Variants in EXOSC5 observed in about 807,000 individuals in gnomAD.
The protein encoded by EXOSC5 is exosome complex component RRP46.
In EXOSC5, 15 loss-of-function variants were observed where a neutral mutation model predicts 23.7. That is an observed-to-expected ratio of 0.63 (90% CI 0.42 to 0.97). EXOSC5 has a LOEUF of 0.97. Among genes scored for constraint, EXOSC5 ranks in the 50% least tolerant of loss-of-function variants. The pLI is 0.00. For synonymous variants in EXOSC5, 143 were observed against 140.9 expected (o/e 1.02, Z -0.11); for missense variants, 305 against 316.3 (o/e 0.96, Z 0.27).
intron 3 of EXOSC5, 26 bp downstream of exon 3, chr19:41,391,815 A>C (rs754815591): frequency 7.4e-6 from 11 of 1,486,332 alleles, no homozygotes; most frequent in Non-Finnish European, 1.8e-6. Context: ...GACTTCCTGG[A>C]GGAGGAGGCC....
At chr19:41,393,008 TCA>T (rs1472094866) in intron 1 of EXOSC5, 28 bp from the exon 2 acceptor site, 7 of 1,602,598 alleles carry the variant, frequency 4.4e-6, no homozygotes, top group Non-Finnish European at 6.0e-6. Context: ...AGGGCCTCAC[TCA>T]CAGCTTCCCT....
At chr19:41,397,146 C>T in intron 1 of EXOSC5, 35 bp downstream of exon 1, 1 of 1,609,104 alleles carries the variant, frequency 6.2e-7, no homozygotes. Context: ...CACGGTAGTC[C>T]CTCTCCAAAA....
chr19:41,386,819 C>G, intron 5 of EXOSC5, 94 bp from the exon 6 acceptor site: 1 of 1,050,090 alleles, frequency 9.5e-7, no homozygotes, highest in Non-Finnish European at 1.4e-6. Flanking sequence ...CCACCTGACT[C>G]CCTTAACCTC....
chr19:41,390,510 C>T (rs979924736), intron 3 of EXOSC5, among the ~76,000 whole-genome samples: 9 of 152,230 alleles, frequency 5.9e-5, no homozygotes, highest in African/African-American at 7.2e-5. Flanking sequence ...GTACGTACCA[C>T]ACATTTGTTG....
intron 1 of EXOSC5, among the ~76,000 whole-genome samples, chr19:41,395,386 C>A (rs1411413149): frequency 1.3e-5 from 2 of 152,214 alleles, no homozygotes; most frequent in Non-Finnish European, 2.9e-5. Flanking sequence ...CTCTCACCTT[C>A]TTGAAGACGT....
At chr19:41,386,825 A>T in intron 5 of EXOSC5, 100 bp from the exon 6 acceptor site, 1 of 947,332 alleles carries the variant, frequency 1.1e-6, no homozygotes, top group South Asian at 1.5e-5. Context: ...GACTCCCTTA[A>T]CCTCCCATCA....
chr19:41,390,196 A>C (rs1015195634), intron 3 of EXOSC5, among the ~76,000 whole-genome samples: 10 of 152,134 alleles, frequency 6.6e-5, no homozygotes, highest in Non-Finnish European at 1.2e-4. Context: ...GGCCTCCCAA[A>C]GTGCTGGGAT....
At position 41,389,838 on chromosome 19, in the gene EXOSC5, A is replaced by G; in HGVS notation, c.452T>C (p.Leu151Pro). 6.2e-7 allele frequency: 1 copy of G among 1,614,168 alleles called. No homozygotes were observed. The highest frequency in any genetic ancestry group is 2.2e-5 in the East Asian group (1 of 44,870). ...LVDAGVPMRALFCGVACALDS... is the reference protein window; with the variant it reads ...LVDAGVPMRAPFCGVACALDS... The stretch of plus-strand genomic sequence containing the variant: ...CAGGGCGCAGGCGACCCCACAGAAG[A>G]GAGCCCGCATGGGCACACCTGCATC... Residue 151 changes from leucine (L) to proline (P), a missense_variant, in exon 4 of 6, where the codon CTC becomes CCC. Transcript: ENST00000221233.
intron 3 of EXOSC5, chr19:41,391,528 C>G (rs942648770): frequency 1.0e-5 from 3 of 291,136 alleles, no homozygotes; most frequent in Non-Finnish European, 1.9e-5. Flanking sequence ...CTGAAACATG[C>G]GAACATAAGA....
intron 5 of EXOSC5, among the ~76,000 whole-genome samples, chr19:41,387,133 T>C (rs1428722385): frequency 6.6e-6 from 1 of 152,082 alleles, no homozygotes; most frequent in East Asian, 1.9e-4. Flanking sequence ...TTCACTGCCA[T>C]GTATTCCTAG....
rs770188588 is a variant in EXOSC5 at position 41,389,819 on chromosome 19, G to A, written c.471C>T (p.Cys157=). The change falls in exon 4 of 6, where the codon TGC becomes TGT. Residue 157 remains cysteine (C), a synonymous_variant. Transcript: ENST00000221233. ...CGAGGGTCCCATCAGAGTCCAGGGC[G>A]CAGGCGACCCCACAGAAGAGAGCCC... ...PMRALFCGVA[C]ALDSDGTLVL... 10 of 1,614,028 alleles carry A rather than the reference G, an allele frequency of 6.2e-6. No homozygotes were observed. The highest frequency in any genetic ancestry group is 2.2e-5 in the East Asian group (1 of 44,878).
At chr19:41,392,022 A>T in intron 2 of EXOSC5, 60 bp from the exon 3 acceptor site, 2 of 1,540,496 alleles carry the variant, frequency 1.3e-6, no homozygotes, top group Non-Finnish European at 1.7e-6. Context: ...CTTCCTCCAT[A>T]CGCCTCACCC....
rs58638587 is a variant in EXOSC5, at chr19:41,387,792, GA to G, written c.526-190del. 2.4e-3 allele frequency among the ~76,000 whole-genome samples: 282 copies of G among 116,336 alleles called. 1 individual carries two copies. The highest frequency in any genetic ancestry group is 3.9e-3 in the African/African-American group (118 of 30,236). The allele number at this position is 116,336 out of a possible 152,430, so 76.3% of individuals were successfully genotyped here. Reference sequence around the variant, plus strand: ...GGCAACAGAGGGAGACCCCATCTCAGAAAAAAAAAAAAAAAAAAGGTAGCTG... The same window carrying G: ...GGCAACAGAGGGAGACCCCATCTCAGAAAAAAAAAAAAAAAAAGGTAGCTG... On this transcript the variant is annotated intron_variant, in intron 4 of 5. Transcript: ENST00000221233.
chr19:41,386,685 TG>T lies in EXOSC5; in HGVS notation c.655del (p.His219ThrfsTer59), dbSNP rs1167482275. 7.5e-6 allele frequency: 12 copies of T among 1,603,972 alleles called. No individual in the cohort carries two copies. The highest frequency in any genetic ancestry group is 9.4e-6 in the Non-Finnish European group (11 of 1,175,886). On this transcript the variant is annotated frameshift_variant, in exon 6 of 6. Transcript: ENST00000221233. LOFTEE classifies it high-confidence loss of function. ...CGATTCCCGGTAGAAACGGAAGACG[TG>T]TTGCGAAGCGGCCTGGGCCGCAGCC... ...CLAAAQAASQ[H>X]VFRFYRESLQ...
At chr19:41,389,584 A>G (rs1462469141) in intron 4 of EXOSC5, among the ~76,000 whole-genome samples, 181 bp downstream of exon 4, 1 of 152,164 alleles carries the variant, frequency 6.6e-6, no homozygotes, top group East Asian at 1.9e-4. Context: ...CTTCCTAATT[A>G]AGCAAGTCTG....
chr19:41,392,786 CG>C (rs1187331102), intron 2 of EXOSC5, 80 bp downstream of exon 2: 1 of 1,281,344 alleles, frequency 7.8e-7, no homozygotes, highest in Non-Finnish European at 1.1e-6. Flanking sequence ...AGTGGAGACT[CG>C]GGGCAGCTGG....
intron 1 of EXOSC5, among the ~76,000 whole-genome samples, chr19:41,394,521 A>G (rs2039047298): frequency 1.3e-5 from 2 of 150,616 alleles, no homozygotes; most frequent in South Asian, 4.4e-4. Flanking sequence ...TCCTGTCTCT[A>G]TTTTCTTTTT....
At chr19:41,395,659 C>A (rs1384867655) in intron 1 of EXOSC5, among the ~76,000 whole-genome samples, 1 of 152,176 alleles carries the variant, frequency 6.6e-6, no homozygotes, top group South Asian at 2.1e-4. Flanking sequence ...CAGGTCACCA[C>A]CATCTCCTGG....
At chr19:41,390,935 T>C (rs1289801823) in intron 3 of EXOSC5, among the ~76,000 whole-genome samples, 1 of 152,148 alleles carries the variant, frequency 6.6e-6, no homozygotes, top group African/African-American at 2.4e-5. Flanking sequence ...TTCTACAGTG[T>C]CTAATTCTAG....
Sources: allele counts gnomAD v4.1 joint callset (sites outside exome capture counted in the v4.1 genomes callset), GRCh38; gene constraint gnomAD v4.1.1; transcripts MANE v1.5; gene names NCBI Gene and HGNC (gene_info 2026-07-23, HGNC 2026-07-21).